Variants in TSPEAR observed in about 807,000 individuals in gnomAD.
TSPEAR encodes thrombospondin type laminin G domain and EAR repeats, also known as thrombospondin-type laminin G domain and EAR repeat-containing protein.
In TSPEAR, 69 loss-of-function variants were observed where a neutral mutation model predicts 71.6. That is an observed-to-expected ratio of 0.96 (90% CI 0.79 to 1.18). The LOEUF (loss-of-function observed/expected upper bound fraction) is 1.18, where lower values mean the gene tolerates loss of function less well. TSPEAR is among the 50% of genes most tolerant of loss of function. The probability of loss-of-function intolerance (pLI) is 0.00; values close to 1 mark genes in which losing one functional copy is unlikely to be tolerated. For synonymous variants in TSPEAR, 402 were observed against 387.2 expected, an observed-to-expected ratio of 1.04 and a Z score of -0.45; for missense variants, 971 against 894.9, an observed-to-expected ratio of 1.09 and a Z score of -1.09.
intron 2 of TSPEAR, among the ~76,000 whole-genome samples, chr21:44,559,577 G>T (rs1555920689): frequency 6.6e-6 from 1 of 152,138 alleles, no homozygotes; most frequent in African/African-American, 2.4e-5. Context: ...CTTCCCTTAT[G>T]GGCCAGAAAG....
Position 44,499,866 on chromosome 21 carries a change from A to G in TSPEAR, c.1927T>C (p.Phe643Leu), listed in dbSNP as rs2051992250. ...PTVGCRDWEA[F>L]STTAGAYLIY... ...AGGTAGGCACCAGCCGTGGTGCTGA[A>G]GGCCTCCCAGTCCCTGCAGCCGACG... is the stretch of plus-strand genomic sequence containing the variant. The change falls in exon 12 of 12, where the codon TTC becomes CTC. Residue 643 changes from phenylalanine to leucine, a missense_variant. Phe to Leu is a conservative substitution (Grantham distance 22). Transcript: ENST00000323084. 1 of 1,605,016 alleles carries G rather than the reference A, an allele frequency of 6.2e-7. No homozygotes were observed. Among genetic ancestry groups the G allele is most frequent in the Non-Finnish European group, 8.5e-7 (1 of 1,176,766 alleles).
rs1988189126 is a variant in TSPEAR at position 44,710,964 on chromosome 21, T to C, written c.82+469A>G. The stretch of plus-strand genomic sequence containing the variant: ...GGCTGTGTCTGTGTCTCCAGCTTTT[T>C]GCTCATGTGGGGAAGGAGCAGGGCC... On this transcript the variant is annotated intron_variant, in intron 1 of 11. Transcript: ENST00000323084. The surrounding 1 kb of genome is among the most constrained non-coding windows in gnomAD (Gnocchi z 4.6). Among the ~76,000 whole-genome samples, 4 of 152,220 alleles carry C rather than the reference T, an allele frequency of 2.6e-5. No homozygotes were observed. In the South Asian group the frequency reaches 8.3e-4, roughly 31 times the overall value.
intron 1 of TSPEAR, among the ~76,000 whole-genome samples, chr21:44,683,253 A>G (rs1986696192): frequency 6.6e-6 from 1 of 151,982 alleles, no homozygotes; most frequent in Non-Finnish European, 1.5e-5. Flanking sequence ...AGTGTTGAAC[A>G]AAAACTGCAC....
intron 1 of TSPEAR, chr21:44,697,322 T>C (rs782279979): frequency 3.7e-6 from 6 of 1,613,412 alleles, no homozygotes; most frequent in African/African-American, 1.3e-5. Flanking sequence ...TGAGCCCCCC[T>C]GCTGCGCCCC....
chr21:44,690,388 T>A (rs138864581), intron 1 of TSPEAR, among the ~76,000 whole-genome samples: 29 of 152,346 alleles, frequency 1.9e-4, no homozygotes, highest in African/African-American at 7.0e-4. Flanking sequence ...CCTAGATATG[T>A]CCTCTGTTGA....
At chr21:44,654,408 G>A in intron 1 of TSPEAR, 1 of 1,614,210 alleles carries the variant, frequency 6.2e-7, no homozygotes, top group Non-Finnish European at 8.5e-7. Flanking sequence ...GCACACAGCA[G>A]GCCACCTGGC....
intron 1 of TSPEAR, among the ~76,000 whole-genome samples, chr21:44,643,125 T>C (rs1984112285): frequency 6.6e-6 from 1 of 152,200 alleles, no homozygotes; most frequent in African/African-American, 2.4e-5. Context: ...TGGATGAACC[T>C]GCACACACTA....
At chr21:44,518,284 G>A (rs1326501347) in intron 9 of TSPEAR, 5 of 468,774 alleles carry the variant, frequency 1.1e-5, no homozygotes, top group Middle Eastern at 3.2e-4. Flanking sequence ...TCAAACATCC[G>A]GGGACCCTTA....
In TSPEAR at chr21:44,587,312, T is replaced by C. The variant is rs587712516; in HGVS notation, c.83-19307A>G. 2.0e-5 allele frequency among the ~76,000 whole-genome samples: 3 copies of C among 152,186 alleles called. No individual in the cohort carries two copies. In the South Asian group the frequency reaches 6.2e-4, roughly 32 times the overall value. ...CAATAGCTGCAAAAAAATAAAATAC[T>C]CAGGAATATACCTACCCAAGGAGGT... On this transcript the variant is annotated intron_variant, in intron 1 of 11. Transcript: ENST00000323084.
At chr21:44,654,209 G>T in intron 1 of TSPEAR, 2 of 1,309,552 alleles carry the variant, frequency 1.5e-6, no homozygotes, top group Non-Finnish European at 2.2e-6. Context: ...GGGACTGCCT[G>T]GCAGGAGTTC....
intron 1 of TSPEAR, chr21:44,666,330 C>A: frequency 8.2e-7 from 1 of 1,220,836 alleles, no homozygotes; most frequent in Non-Finnish European, 1.2e-6. Flanking sequence ...TCAGAGGGTT[C>A]AACTGAGCAT....
In TSPEAR at chr21:44,639,671, C is replaced by T. The variant is rs587692407; in HGVS notation, c.83-71666G>A. 2.6e-5 allele frequency among the ~76,000 whole-genome samples: 4 copies of T among 152,346 alleles called. No individual in the cohort carries two copies. In the East Asian group the frequency reaches 7.7e-4, roughly 29 times the overall value. On this transcript the variant is annotated intron_variant, in intron 1 of 11. Coordinates refer to ENST00000323084, the MANE Select transcript of TSPEAR (RefSeq NM_144991.3). ...GAGCCTTCATCCTAGGTCTCCGGGG[C>T]CATCCTCGGGAGGGGCTCCCCACAC...
chr21:44,707,463 C>G (rs1107119), intron 1 of TSPEAR, among the ~76,000 whole-genome samples: 71,111 of 152,016 alleles, frequency 0.47, 17,237 homozygotes, highest in Non-Finnish European at 0.53. Flanking sequence ...GTGTGCGGCT[C>G]GTTATCCTGG....
rs149510822 is a variant in TSPEAR, at chr21:44,585,703, GA to G, written c.83-17699del. ...GGAGTGTCACGATTTCAGTCTCCAG[GA>G]ATCCAAGGTGTTTTCCTTTCTTCTC... On this transcript the variant is annotated intron_variant, in intron 1 of 11. Transcript: ENST00000323084. Among the ~76,000 whole-genome samples, 693 of 152,276 alleles carry G rather than the reference GA, an allele frequency of 4.6e-3. 6 individuals carry two copies. The highest frequency in any genetic ancestry group is 0.016 in the African/African-American group (665 of 41,560).
intron 1 of TSPEAR, among the ~76,000 whole-genome samples, chr21:44,683,151 G>A (rs1986691815): frequency 6.6e-6 from 1 of 152,050 alleles, no homozygotes; most frequent in Non-Finnish European, 1.5e-5. Context: ...ATTCAGAATA[G>A]GATTTTTAGG....
At chr21:44,502,733 C>G (rs1601313010) in intron 11 of TSPEAR, among the ~76,000 whole-genome samples, 1 of 152,268 alleles carries the variant, frequency 6.6e-6, no homozygotes, top group South Asian at 2.1e-4. Context: ...CTGGGCCCAG[C>G]CAATCTCGGA....
intron 1 of TSPEAR, chr21:44,682,007 G>A (rs782357431): frequency 6.2e-7 from 1 of 1,610,280 alleles, no homozygotes; most frequent in Non-Finnish European, 8.5e-7. Context: ...CTGGCTTGAA[G>A]CTCACGGGCA....
At chr21:44,660,018 C>T (rs1985402711) in intron 1 of TSPEAR, among the ~76,000 whole-genome samples, 1 of 152,110 alleles carries the variant, frequency 6.6e-6, no homozygotes, top group South Asian at 2.1e-4. Flanking sequence ...CATCAGTATA[C>T]TTGATACAAC....
intron 2 of TSPEAR, among the ~76,000 whole-genome samples, chr21:44,536,281 A>G (rs1379223858): frequency 6.6e-6 from 1 of 152,156 alleles, no homozygotes; most frequent in Admixed American, 6.5e-5. Flanking sequence ...CCTCAGCAAC[A>G]CTGACTTCTG....
Sources: allele counts gnomAD v4.1 joint callset (sites outside exome capture counted in the v4.1 genomes callset), GRCh38; gene constraint gnomAD v4.1.1; non-coding constraint Gnocchi (gnomAD v3.1); transcripts MANE v1.5; gene names NCBI Gene and HGNC (gene_info 2026-07-23, HGNC 2026-07-21).